The following LRP1B variants were observed in gnomAD, a reference collection of about 807,000 sequenced individuals.
The protein encoded by LRP1B is LDL receptor related protein 1B.
A neutral mutation model predicts 556.6 loss-of-function variants in LRP1B; 217 were observed. The observed-to-expected ratio is 0.39, with a 90% confidence interval of 0.35 to 0.44. LRP1B has a LOEUF of 0.44. Ranked by LOEUF, LRP1B falls within the 20% of genes least tolerant of loss-of-function variation. LRP1B has a pLI of 1.00. For missense variants in LRP1B, 5,053 were observed against 5,620.8 expected (o/e 0.90, Z 3.23); for synonymous variants, 2,047 against 1,865.8 (o/e 1.10, Z -2.50).
At chr2:141,327,301 C>A (rs957195715) in intron 3 of LRP1B, among the ~76,000 whole-genome samples, 13 of 152,048 alleles carry the variant, frequency 8.5e-5, no homozygotes, top group East Asian at 5.8e-4. Flanking sequence ...TGTAAGGAGC[C>A]ACTAATTGCA....
intron 5 of LRP1B, among the ~76,000 whole-genome samples, chr2:141,236,145 T>C (rs555764294): frequency 5.9e-5 from 9 of 152,286 alleles, no homozygotes; most frequent in Admixed American, 2.0e-4. Context: ...TTTTATGTTT[T>C]TGCTTTTATT....
Position 140,931,725 on chromosome 2 carries a change from T to A in LRP1B, c.3137-8578A>T, listed in dbSNP as rs983952755. 9.2e-5 allele frequency among the ~76,000 whole-genome samples: 14 copies of A among 152,246 alleles called. No homozygotes were observed. In the East Asian group the frequency reaches 2.7e-3, roughly 29 times the overall value. ...CTACATAAAACATTGATTTAGTTAA[T>A]TAAAATTTTATGTTTTGACATCTAG... On this transcript the variant is annotated intron_variant, in intron 20 of 90. Transcript: ENST00000389484.
chr2:141,743,486 CTTTTTT>C (rs765968445), intron 2 of LRP1B, among the ~76,000 whole-genome samples: 1 of 108,034 alleles, frequency 9.3e-6, no homozygotes, highest in African/African-American at 3.9e-5. Context: ...CTGCTTTTTT[CTTTTTT>C]TTTTTTTTCT....
intron 3 of LRP1B, among the ~76,000 whole-genome samples, chr2:141,390,211 A>G (rs1337004359): frequency 2.0e-5 from 3 of 152,204 alleles, no homozygotes; most frequent in African/African-American, 7.2e-5. Flanking sequence ...ATCATTCATC[A>G]TAAGAAAAAT....
Position 140,442,586 on chromosome 2 carries a change from C to A in LRP1B, c.10332G>T (p.Lys3444Asn), listed in dbSNP as rs540281685. The change falls in exon 66 of 91, where the codon AAG becomes AAT. Residue 3444 changes from lysine (K) to asparagine (N), a missense_variant. Physicochemically the swap from Lys to Asn is moderately conservative, Grantham distance 94. Coordinates refer to ENST00000389484, the MANE Select transcript of LRP1B (RefSeq NM_018557.3). Reference protein sequence around the residue: ...NSCSPDYFQCKTTKHCISKLW... With the variant: ...NSCSPDYFQCNTTKHCISKLW... ...GCTTGGAAATGCAATGCTTCGTAGT[C>A]TTACACTGGAAATAGTCTGGAGAAC... 45 of 1,613,916 alleles carry A rather than the reference C, an allele frequency of 2.8e-5. No homozygotes were observed. The South Asian group carries it at 4.7e-4, about 17-fold the overall frequency.
chr2:140,680,796 T>C, intron 41 of LRP1B, among the ~76,000 whole-genome samples: 1 of 152,184 alleles, frequency 6.6e-6, no homozygotes, highest in East Asian at 1.9e-4. Flanking sequence ...CATCACAAAA[T>C]GAGTAAGACG....
chr2:141,114,098 G>T (rs1037524823), intron 7 of LRP1B, among the ~76,000 whole-genome samples: 1 of 152,236 alleles, frequency 6.6e-6, no homozygotes, highest in Admixed American at 6.5e-5. Flanking sequence ...CTTGCCACAG[G>T]GGTGTGGCTC....
intron 67 of LRP1B, among the ~76,000 whole-genome samples, chr2:140,384,588 G>C (rs1683678179): frequency 6.6e-6 from 1 of 152,158 alleles, no homozygotes; most frequent in East Asian, 1.9e-4. Flanking sequence ...CAATAATCCA[G>C]AGATTTCATG....
intron 1 of LRP1B, among the ~76,000 whole-genome samples, chr2:141,971,791 C>G (rs1466723004): frequency 6.6e-6 from 1 of 151,428 alleles, no homozygotes; most frequent in Admixed American, 6.6e-5. Context: ...CTTCCTCCTT[C>G]CCTTCTAAAA....
intron 21 of LRP1B, among the ~76,000 whole-genome samples, chr2:140,916,272 T>A (rs1047426652): frequency 1.3e-5 from 2 of 152,228 alleles, no homozygotes; most frequent in African/African-American, 4.8e-5. Flanking sequence ...AAAATCACTG[T>A]ACCATTATAG....
intron 7 of LRP1B, among the ~76,000 whole-genome samples, chr2:141,088,478 G>A (rs148559758): frequency 6.6e-6 from 1 of 152,094 alleles, no homozygotes; most frequent in Admixed American, 6.6e-5. Flanking sequence ...CTTGAGACCA[G>A]GAGATTTACC....
chr2:140,955,750 A>T (rs949008685), intron 18 of LRP1B, among the ~76,000 whole-genome samples: 1 of 151,674 alleles, frequency 6.6e-6, no homozygotes, highest in Non-Finnish European at 1.5e-5. Context: ...GGTAATCGTG[A>T]TTGGTATGGT....
chr2:140,644,794 G>GAAAT (rs1684421871), intron 41 of LRP1B, among the ~76,000 whole-genome samples: 1 of 152,104 alleles, frequency 6.6e-6, no homozygotes, highest in Admixed American at 6.6e-5. Flanking sequence ...TTGCCACAGT[G>GAAAT]AAATGGGTGC....
intron 14 of LRP1B, among the ~76,000 whole-genome samples, chr2:141,010,533 T>C (rs1366416675): frequency 6.6e-6 from 1 of 151,942 alleles, no homozygotes; most frequent in Non-Finnish European, 1.5e-5. Context: ...CTTTTTTTTT[T>C]AGACAGAGTT....
At chr2:141,753,077 C>T (rs1694177911) in intron 2 of LRP1B, among the ~76,000 whole-genome samples, 1 of 149,038 alleles carries the variant, frequency 6.7e-6, no homozygotes, top group South Asian at 2.1e-4. Flanking sequence ...GGAAAAATGC[C>T]TTCTGTATTA....
intron 3 of LRP1B, among the ~76,000 whole-genome samples, chr2:141,422,588 A>G (rs772486929): frequency 6.6e-5 from 10 of 152,220 alleles, no homozygotes; most frequent in Non-Finnish European, 1.3e-4. Context: ...GCACACACAC[A>G]TATGCATTCT....
chr2:140,248,962 G>T (rs1382785208), intron 86 of LRP1B, among the ~76,000 whole-genome samples: 2 of 149,844 alleles, frequency 1.3e-5, no homozygotes, highest in East Asian at 4.0e-4. Context: ...AATAGCTGTT[G>T]TGTACAAGTC....
chr2:140,663,289 C>G (rs1278486390), intron 41 of LRP1B, among the ~76,000 whole-genome samples: 1 of 152,100 alleles, frequency 6.6e-6, no homozygotes, highest in Non-Finnish European at 1.5e-5. Context: ...CACTGGTCAT[C>G]ATCATCATCG....
At chr2:141,940,076 G>A (rs1165664695) in intron 1 of LRP1B, among the ~76,000 whole-genome samples, 1 of 152,000 alleles carries the variant, frequency 6.6e-6, no homozygotes, top group Non-Finnish European at 1.5e-5. Flanking sequence ...ATGCAAATCT[G>A]ACAGACTCAA....
Sources: gnomAD v4.1 joint callset for allele counts (sites outside exome capture counted in the v4.1 genomes callset) on GRCh38, gnomAD v4.1.1 for gene constraint, MANE v1.5 for transcripts, NCBI Gene and HGNC (gene_info 2026-07-23, HGNC 2026-07-21) for gene names.